Variants in ZNF329 observed in about 807,000 individuals in gnomAD.
ZNF329 encodes the protein zinc finger protein 329.
ZNF329 carries 15 observed loss-of-function variants against 26.6 expected under a neutral mutation model. The observed-to-expected ratio is 0.56, with a 90% confidence interval of 0.38 to 0.87. ZNF329 has a LOEUF of 0.87. ZNF329 is among the 40% of genes least tolerant of loss of function. ZNF329 has a pLI of 0.00. For missense variants in ZNF329, 651 were observed against 651.9 expected (o/e 1.00, Z 0.02); for synonymous variants, 239 against 233.5 (o/e 1.02, Z -0.21).
At chr19:58,147,070 G>A (rs1467471214) in intron 1 of ZNF329, among the ~76,000 whole-genome samples, 8 of 150,434 alleles carry the variant, frequency 5.3e-5, no homozygotes, top group Admixed American at 1.3e-4. Context: ...AGTGAGGAGC[G>A]TCTCTGCCCG....
At chr19:58,153,794 G>C (rs926155256), upstream of ZNF329, among the ~76,000 whole-genome samples, 1 of 151,862 alleles carries the variant, frequency 6.6e-6, no homozygotes, top group African/African-American at 2.4e-5. Context: ...CTGCAGCCTT[G>C]ACCTCCTGGG....
chr19:58,146,603 C>T (rs940265675), intron 1 of ZNF329, among the ~76,000 whole-genome samples: 4 of 151,918 alleles, frequency 2.6e-5, no homozygotes, highest in East Asian at 1.9e-4. Flanking sequence ...GATGCCGAGC[C>T]GAAGCTGGAC....
chr19:58,144,269 G>A (rs532486422), intron 1 of ZNF329, among the ~76,000 whole-genome samples: 2 of 151,230 alleles, frequency 1.3e-5, no homozygotes, highest in Non-Finnish European at 2.9e-5. Flanking sequence ...CCGCCTCCTG[G>A]GTTCAAGCAA....
At chr19:58,129,598 A>G in intron 3 of ZNF329, 87 bp from the exon 4 acceptor site, 1 of 1,166,892 alleles carries the variant, frequency 8.6e-7, no homozygotes, top group Non-Finnish European at 1.2e-6. Flanking sequence ...AGGTGTAAAG[A>G]TGTGTATTTT....
intron 3 of ZNF329, among the ~76,000 whole-genome samples, chr19:58,140,639 T>C (rs1330581045): frequency 6.6e-6 from 1 of 151,140 alleles, no homozygotes; most frequent in African/African-American, 2.4e-5. Context: ...ATGGTCTCGA[T>C]CTCCTGACCT....
chr19:58,153,057 C>T (rs768873666), upstream of ZNF329, among the ~76,000 whole-genome samples: 8 of 152,014 alleles, frequency 5.3e-5, no homozygotes, highest in Non-Finnish European at 1.2e-4. Flanking sequence ...TTTTTCCATT[C>T]AGTGGCAAAG....
chr19:58,138,929 G>A (rs751354585), intron 3 of ZNF329, among the ~76,000 whole-genome samples: 31 of 151,340 alleles, frequency 2.0e-4, no homozygotes, highest in African/African-American at 1.2e-4. Context: ...CCTAGGAGGC[G>A]GAGGAGACAG....
rs1317557343 is a variant in ZNF329, at chr19:58,127,712, C to G, written c.*166G>C. 1.7e-5 allele frequency: 11 copies of G among 659,510 alleles called. No individual in the cohort carries two copies. The highest frequency in any genetic ancestry group is 2.5e-5 in the Non-Finnish European group (10 of 407,366). The allele number at this position is 659,510 out of a possible 1,614,324, so 40.9% of individuals were successfully genotyped here. ...CATCCTAAGTTGTCTCTGGAGTTCC[C>G]CAATGAGCAGACTTAACAGTGTGGC... On this transcript the variant is annotated 3_prime_UTR_variant, in exon 4 of 4. Coordinates refer to ENST00000598312, the MANE Select transcript of ZNF329 (RefSeq NM_024620.4).
At position 58,128,710 on chromosome 19, in the gene ZNF329, C is replaced by T. The variant is rs1433401968; in HGVS notation, c.794G>A (p.Gly265Glu). ...GEKPYECSKC[G>E]KAFSDGSALT... Reference sequence around the variant, plus strand: ...AGCTGAGCCATCACTGAAAGCTTTCCCACATTTACTGCATTCATAGGGCTT... The same window carrying T: ...AGCTGAGCCATCACTGAAAGCTTTCTCACATTTACTGCATTCATAGGGCTT... Residue 265 changes from glycine to glutamate, a missense_variant, in exon 4 of 4, where the codon GGG (glycine) becomes GAG (glutamate). Transcript: ENST00000598312. 1.2e-6 allele frequency: 2 copies of T among 1,607,018 alleles called. No individual in the cohort carries two copies. Among genetic ancestry groups the T allele is most frequent in the Admixed American group, 3.4e-5 (2 of 59,026 alleles).
chr19:58,149,653 A>G (rs1040091872), intron 1 of ZNF329, among the ~76,000 whole-genome samples: 4 of 152,136 alleles, frequency 2.6e-5, no homozygotes, highest in Non-Finnish European at 4.4e-5. Context: ...AAAAAGAAAA[A>G]ACAGACAAAA....
upstream of ZNF329, among the ~76,000 whole-genome samples, chr19:58,153,684 A>G (rs888009417): frequency 2.6e-5 from 4 of 152,210 alleles, no homozygotes; most frequent in Admixed American, 6.5e-5. Context: ...CAAGATAAGC[A>G]TCCCAGAAGT....
intron 3 of ZNF329, among the ~76,000 whole-genome samples, chr19:58,137,629 T>G (rs1353774075): frequency 6.6e-6 from 1 of 150,716 alleles, no homozygotes; most frequent in East Asian, 2.0e-4. Flanking sequence ...GAAAACCAAG[T>G]CTGTCATTTG....
chr19:58,150,448 A>G (rs1385895340), intron 1 of ZNF329, among the ~76,000 whole-genome samples: 1 of 152,178 alleles, frequency 6.6e-6, no homozygotes, highest in Non-Finnish European at 1.5e-5. Context: ...CGGGCTAGAG[A>G]TGCGAGCGCG....
chr19:58,148,149 A>AG (rs1457753163), intron 1 of ZNF329, among the ~76,000 whole-genome samples: 95 of 151,988 alleles, frequency 6.3e-4, no homozygotes, highest in African/African-American at 2.2e-3. Flanking sequence ...AAATGGATTA[A>AG]GGGCGGTGCA....
chr19:58,139,390 G>A (rs2075137287), intron 3 of ZNF329, among the ~76,000 whole-genome samples: 1 of 152,128 alleles, frequency 6.6e-6, no homozygotes. Context: ...AAATAGACTG[G>A]GTGGCTTAAA....
chr19:58,153,756 T>C, upstream of ZNF329, among the ~76,000 whole-genome samples: 1 of 152,122 alleles, frequency 6.6e-6, no homozygotes, highest in East Asian at 1.9e-4. Flanking sequence ...CTGTCCAGGA[T>C]GTAGTCCAGT....
chr19:58,146,931 C>T (rs2075324696), intron 1 of ZNF329, among the ~76,000 whole-genome samples: 1 of 152,130 alleles, frequency 6.6e-6, no homozygotes, highest in African/African-American at 2.4e-5. Flanking sequence ...CCTGCCTTGG[C>T]CTCCCAAAGT....
At chr19:58,132,047 A>G (rs1279376619) in intron 3 of ZNF329, among the ~76,000 whole-genome samples, 4 of 152,110 alleles carry the variant, frequency 2.6e-5, no homozygotes, top group African/African-American at 7.2e-5. Flanking sequence ...AAGAAAGAAA[A>G]AAAAGAAATG....
In ZNF329 at chr19:58,127,318, C is replaced by T. The variant is rs2547258; in HGVS notation, c.*560G>A. On this transcript the variant is annotated 3_prime_UTR_variant, in exon 4 of 4. Coordinates refer to ENST00000598312, the MANE Select transcript of ZNF329 (RefSeq NM_024620.4). ...GAGTTCAAGACCAGCCTGGCCAACA[C>T]AGTGAAACCCTGTCTCTACTAAAAA... 0.73 allele frequency: 110,116 copies of T among 151,850 alleles called. 41,419 individuals are homozygous for T. The highest frequency in any genetic ancestry group is 0.84 in the Non-Finnish European group (57,358 of 67,994). The allele number at this position is 151,850 out of a possible 1,614,324, so 9.4% of individuals were successfully genotyped here.
Sources: allele counts gnomAD v4.1 joint callset (sites outside exome capture counted in the v4.1 genomes callset), GRCh38; gene constraint gnomAD v4.1.1; transcripts MANE v1.5; gene names NCBI Gene and HGNC (gene_info 2026-07-23, HGNC 2026-07-21).